ZSWIM6: variants seen among roughly 807,000 people sequenced by gnomAD.
ZSWIM6 encodes the protein zinc finger SWIM domain-containing protein 6.
ZSWIM6 carries 9 observed loss-of-function variants against 113.2 expected under a neutral mutation model. The observed-to-expected ratio is 0.08, with a 90% CI of 0.05 to 0.14. ZSWIM6 has a LOEUF of 0.14. Ranked by LOEUF, ZSWIM6 falls within the 10% of genes least tolerant of loss-of-function variation. ZSWIM6 has a pLI of 1.00. For missense variants in ZSWIM6, 1,162 were observed against 1,552.2 expected, an observed-to-expected ratio of 0.75 and a Z score of 4.22; for synonymous variants, 611 against 606.5, an observed-to-expected ratio of 1.01 and a Z score of -0.11.
At chr5:61,445,214 CT>C (rs1561240322) in intron 1 of ZSWIM6, among the ~76,000 whole-genome samples, 3 of 152,246 alleles carry the variant, frequency 2.0e-5, no homozygotes, top group African/African-American at 7.2e-5. Flanking sequence ...AGACAATTAA[CT>C]TTTCTCTCTG....
chr5:61,360,901 CT>C (rs1745022121), intron 1 of ZSWIM6, among the ~76,000 whole-genome samples: 1 of 152,176 alleles, frequency 6.6e-6, no homozygotes, highest in African/African-American at 2.4e-5. Context: ...TGGTTTTCTT[CT>C]TTCTCTACGC....
chr5:61,499,521 G>A (rs185772521), intron 4 of ZSWIM6, among the ~76,000 whole-genome samples: 1 of 152,304 alleles, frequency 6.6e-6, no homozygotes, highest in East Asian at 1.9e-4. Flanking sequence ...GGATGAAGGA[G>A]AACTTTGATA....
intron 1 of ZSWIM6, among the ~76,000 whole-genome samples, chr5:61,399,625 A>C (rs977811365): frequency 5.3e-5 from 8 of 152,216 alleles, no homozygotes; most frequent in Non-Finnish European, 1.0e-4. Context: ...GTGTACATTC[A>C]GGGTTGGTGT....
intron 2 of ZSWIM6, among the ~76,000 whole-genome samples, chr5:61,479,603 A>T (rs984184447): frequency 6.6e-6 from 1 of 152,074 alleles, no homozygotes; most frequent in African/African-American, 2.4e-5. Context: ...CTCCCCCACA[A>T]TGGCGTTTCT....
intron 1 of ZSWIM6, among the ~76,000 whole-genome samples, chr5:61,399,902 A>G (rs973854430): frequency 2.6e-5 from 4 of 152,322 alleles, no homozygotes; most frequent in African/African-American, 7.2e-5. Flanking sequence ...AATGATTGTT[A>G]TAACTAAACA....
intron 1 of ZSWIM6, among the ~76,000 whole-genome samples, chr5:61,449,589 A>G (rs868504243): frequency 1.1e-4 from 17 of 152,140 alleles, no homozygotes; most frequent in Admixed American, 7.2e-4. Context: ...GTACCACTTC[A>G]CAATTCTCTG....
intron 1 of ZSWIM6, among the ~76,000 whole-genome samples, chr5:61,385,873 C>T (rs145307396): frequency 4.8e-4 from 73 of 152,196 alleles, no homozygotes; most frequent in African/African-American, 1.3e-3. Flanking sequence ...TGATTGGATT[C>T]GACTCATGGC....
intron 12 of ZSWIM6, 78 bp downstream of exon 12, chr5:61,539,837 T>C (rs1749683133): frequency 1.7e-5 from 24 of 1,409,258 alleles, no homozygotes; most frequent in Non-Finnish European, 2.2e-5. Context: ...TTTGTTTGAT[T>C]GGATTTTTGA....
In ZSWIM6 at chr5:61,332,510, A is replaced by G. The variant is rs1295102505; in HGVS notation, c.238A>G (p.Ile80Val). The change falls in exon 1 of 14, where the codon ATC becomes GTC. Residue 80 changes from isoleucine to valine, a missense_variant. By Grantham distance (29) the Ile-to-Val change is conservative (BLOSUM62 3). Around this residue, in one of 4 missense-constraint regions of ZSWIM6, gnomAD observed 333 missense variants for 293.4 expected, o/e 1.13. Coordinates refer to ENST00000252744, the MANE Select transcript of ZSWIM6 (RefSeq NM_020928.2). Reference protein sequence around the residue: ...KTQSPESLLDIAARRVAEKWP... With the variant: ...KTQSPESLLDVAARRVAEKWP... ...CCAGAGCCCCGAGTCGCTGCTGGAC[A>G]TCGCGGCGCGCAGGGTGGCGGAGAA... is the stretch of plus-strand genomic sequence containing the variant. 3.8e-6 allele frequency: 5 copies of G among 1,309,952 alleles called. No homozygotes were observed. Among genetic ancestry groups the G allele is most frequent in the East Asian group, 4.8e-5 (1 of 20,630 alleles). 81.1% of individuals were successfully genotyped at this position (1,309,952 alleles called of 1,614,324 possible). A position where few individuals can be genotyped will look rare whatever the true frequency, so the allele number is the denominator to read the frequency against.
chr5:61,517,649 G>T (rs1415936270), intron 4 of ZSWIM6, among the ~76,000 whole-genome samples: 1 of 151,652 alleles, frequency 6.6e-6, no homozygotes, highest in African/African-American at 2.4e-5. Context: ...CTTGAGAATT[G>T]GTCACATTTT....
intron 1 of ZSWIM6, among the ~76,000 whole-genome samples, chr5:61,345,672 G>C (rs1003604759): frequency 2.8e-4 from 42 of 152,158 alleles, no homozygotes; most frequent in African/African-American, 1.0e-3. Context: ...GTGAGTAGTG[G>C]TGTAATGTTC....
rs1744270433 is a variant in ZSWIM6 at position 61,332,391 on chromosome 5, C to T, written c.119C>T (p.Ser40Phe). ...GGCGGCGCGGGTGGCGGCTACAGCT[C>T]TGCCTGTCGGCCAGGCCCGCGGGCG... ...GGGGAGGGYS[S>F]ACRPGPRAGG... Residue 40 changes from serine (S) to phenylalanine (F), a missense_variant, in exon 1 of 14, where the codon TCT becomes TTT. Ser to Phe is a radical substitution (Grantham distance 155). Transcript: ENST00000252744. The T allele has an allele frequency of 5.0e-6, 5 of 990,426 alleles. No homozygotes were observed. Among genetic ancestry groups the T allele is most frequent in the Non-Finnish European group, 6.0e-6 (5 of 834,572 alleles). 61.4% of individuals were successfully genotyped at this position (990,426 alleles called of 1,614,324 possible).
chr5:61,462,165 G>C (rs1233990131), intron 1 of ZSWIM6, among the ~76,000 whole-genome samples: 1 of 152,062 alleles, frequency 6.6e-6, no homozygotes, highest in Non-Finnish European at 1.5e-5. Context: ...GAAAAGCTGT[G>C]GTCACTTTTT....
At chr5:61,542,948 G>T (rs1357125566) in intron 13 of ZSWIM6, among the ~76,000 whole-genome samples, 2 of 152,154 alleles carry the variant, frequency 1.3e-5, no homozygotes, top group Admixed American at 1.3e-4. Context: ...CATTTCCAAC[G>T]TTTGATTCAT....
At chr5:61,480,453 C>G (rs866162573) in intron 2 of ZSWIM6, among the ~76,000 whole-genome samples, 25 of 152,276 alleles carry the variant, frequency 1.6e-4, no homozygotes, top group Middle Eastern at 3.4e-3. Context: ...TTTCCTCTGT[C>G]ATTAGCCTCC....
chr5:61,340,253 A>G (rs1430608693), intron 1 of ZSWIM6, among the ~76,000 whole-genome samples: 2 of 152,306 alleles, frequency 1.3e-5, no homozygotes, highest in Middle Eastern at 3.4e-3. Flanking sequence ...CTTTCAGCTG[A>G]TAGTAAACTG....
chr5:61,538,909 C>A lies in ZSWIM6; in HGVS notation c.2477C>A (p.Thr826Asn). The A allele has an allele frequency of 6.4e-7, 1 of 1,552,224 alleles. No homozygotes were observed. Among genetic ancestry groups the A allele is most frequent in the Non-Finnish European group, 8.7e-7 (1 of 1,147,102 alleles). The change falls in exon 11 of 14, where the codon ACT becomes AAT. Residue 826 changes from threonine (T) to asparagine (N), a missense_variant. Around this residue, in one of 4 missense-constraint regions of ZSWIM6, gnomAD observed 620 missense variants for 804.6 expected, o/e 0.77. Coordinates refer to ENST00000252744, the MANE Select transcript of ZSWIM6 (RefSeq NM_020928.2). ...CCCAACCGCTACCCTCGCTGGTTCA[C>A]TCTAAGCCACATTGAGTCCCAGCAG... is the stretch of plus-strand genomic sequence containing the variant. ...VVPNRYPRWFTLSHIESQQCE... is the reference protein window; with the variant it reads ...VVPNRYPRWFNLSHIESQQCE...
chr5:61,396,898 A>G (rs1745848560), intron 1 of ZSWIM6, among the ~76,000 whole-genome samples: 1 of 152,186 alleles, frequency 6.6e-6, no homozygotes, highest in Non-Finnish European at 1.5e-5. Flanking sequence ...TGAAGTGGAC[A>G]TAGTTATTCT....
At chr5:61,516,183 T>A (rs917252242) in intron 4 of ZSWIM6, among the ~76,000 whole-genome samples, 1 of 151,572 alleles carries the variant, frequency 6.6e-6, no homozygotes, top group Non-Finnish European at 1.5e-5. Context: ...GGTTGTTGAA[T>A]TTAGGTCTAC....
Sources: allele counts gnomAD v4.1 joint callset (sites outside exome capture counted in the v4.1 genomes callset), GRCh38; gene constraint gnomAD v4.1.1; regional missense constraint gnomAD v4.1.1; transcripts MANE v1.5; gene names NCBI Gene and HGNC (gene_info 2026-07-23, HGNC 2026-07-21).